The following NIBAN2 variants were observed in gnomAD, a reference collection of about 807,000 sequenced individuals.
NIBAN2 encodes protein Niban 2.
Under a neutral mutation model 81.8 loss-of-function variants are expected in NIBAN2, and 36 were observed. That is an observed-to-expected ratio of 0.44 (90% CI 0.34 to 0.58). NIBAN2 has a LOEUF of 0.58. NIBAN2 is among the 20% of genes least tolerant of loss of function. The probability of loss-of-function intolerance (pLI) is 0.02; values close to 1 mark genes in which losing one functional copy is unlikely to be tolerated. For synonymous variants in NIBAN2, 445 were observed against 441.6 expected, an observed-to-expected ratio of 1.01 and a Z score of -0.10; for missense variants, 897 against 1,014.1, an observed-to-expected ratio of 0.88 and a Z score of 1.57.
At chr9:127,568,752 C>G (rs1837902358) in intron 1 of NIBAN2, 68 bp downstream of exon 1, 1 of 1,202,958 alleles carries the variant, frequency 8.3e-7, no homozygotes, top group Non-Finnish European at 1.0e-6. Flanking sequence ...AACTGCTGGC[C>G]GGGGCGGGGG....
intron 8 of NIBAN2, among the ~76,000 whole-genome samples, chr9:127,512,552 G>T (rs1487392010): frequency 6.6e-6 from 1 of 152,166 alleles, no homozygotes; most frequent in African/African-American, 2.4e-5. Flanking sequence ...CTCCCAGAGT[G>T]CTGGGATTAC....
intron 1 of NIBAN2, among the ~76,000 whole-genome samples, chr9:127,574,603 A>T (rs1472570040): frequency 6.6e-6 from 1 of 152,092 alleles, no homozygotes; most frequent in Non-Finnish European, 1.5e-5. Flanking sequence ...TCTCCCTCCC[A>T]GTTGGCACGG....
At position 127,563,044 on chromosome 9, in the gene NIBAN2, G is replaced by T. The variant is rs2249706; in HGVS notation, c.55+5776C>A. Among the ~76,000 whole-genome samples, 85,892 of 152,002 alleles carry T rather than the reference G, an allele frequency of 0.57. 25,064 individuals carry two copies. The highest frequency in any genetic ancestry group is 0.7 in the African/African-American group (29,163 of 41,456). On this transcript the variant is annotated intron_variant, in intron 1 of 13. Coordinates refer to ENST00000373312, the MANE Select transcript of NIBAN2 (RefSeq NM_022833.4). This position sits in a 1 kb window ranked among gnomAD's most constrained non-coding sequence, Gnocchi z 4.1. Reference sequence around the variant, plus strand: ...CAGGACGGCGGGTGAGTGGTTCCTAGTCCTGTTTTTCCGCTTCACTCCTTG... The same window carrying T: ...CAGGACGGCGGGTGAGTGGTTCCTATTCCTGTTTTTCCGCTTCACTCCTTG...
chr9:127,574,621 G>C (rs79821515), intron 1 of NIBAN2, among the ~76,000 whole-genome samples: 2,124 of 152,142 alleles, frequency 0.014, 51 homozygotes, highest in African/African-American at 0.049. Context: ...CGGAGTCCCA[G>C]CTCTGCTCTC....
At chr9:127,523,539 C>T (rs1333795774) in intron 5 of NIBAN2, 140 bp downstream of exon 5, 1 of 771,524 alleles carries the variant, frequency 1.3e-6, no homozygotes, top group Admixed American at 2.6e-5. Context: ...TACATGGTTT[C>T]TTATAACCCC....
At chr9:127,522,223 T>A (rs1836957737) in intron 5 of NIBAN2, among the ~76,000 whole-genome samples, 1 of 152,162 alleles carries the variant, frequency 6.6e-6, no homozygotes, top group African/African-American at 2.4e-5. Flanking sequence ...GAAGACCTGG[T>A]TCCTCCTGCT....
At chr9:127,547,843 CA>C (rs938054195) in intron 1 of NIBAN2, among the ~76,000 whole-genome samples, 1 of 151,920 alleles carries the variant, frequency 6.6e-6, no homozygotes, top group Non-Finnish European at 1.5e-5. Flanking sequence ...ACCTCAAAAA[CA>C]AAAAAACAAA....
rs1300445784 is a variant in NIBAN2, at chr9:127,527,140, G to A, written c.315+54C>T. Reference sequence around the variant, plus strand: ...CTAAGTTTCCGAGTTGGGGGAGGGGGCACACATGGAGAAAGCGGGGAGGCT... The same window carrying A: ...CTAAGTTTCCGAGTTGGGGGAGGGGACACACATGGAGAAAGCGGGGAGGCT... On this transcript the variant is annotated intron_variant, in intron 3 of 13. Transcript: ENST00000373312. 5 of 1,598,188 alleles carry A rather than the reference G, an allele frequency of 3.1e-6. No individual in the cohort carries two copies. In the East Asian group the frequency reaches 6.7e-5, roughly 21 times the overall value.
At chr9:127,513,907 C>T (rs1836778503) in intron 8 of NIBAN2, among the ~76,000 whole-genome samples, 1 of 152,088 alleles carries the variant, frequency 6.6e-6, no homozygotes, top group African/African-American at 2.4e-5. Context: ...AATGAATAAG[C>T]CCTAGTATTT....
At chr9:127,557,095 C>T (rs1368371347) in intron 1 of NIBAN2, among the ~76,000 whole-genome samples, 1 of 152,122 alleles carries the variant, frequency 6.6e-6, no homozygotes, top group Non-Finnish European at 1.5e-5. Flanking sequence ...AAATGAATCA[C>T]AACCATGTGA....
At chr9:127,537,538 G>A (rs1051806897) in intron 1 of NIBAN2, among the ~76,000 whole-genome samples, 1 of 152,192 alleles carries the variant, frequency 6.6e-6, no homozygotes, top group Non-Finnish European at 1.5e-5. Context: ...GGAAGCCAAG[G>A]GGGACAGCAG....
chr9:127,521,462 C>T (rs1485052186), intron 5 of NIBAN2, among the ~76,000 whole-genome samples: 2 of 152,144 alleles, frequency 1.3e-5, no homozygotes, highest in African/African-American at 4.8e-5. Context: ...CCCCAGCTGC[C>T]TCCTGCCACC....
intron 1 of NIBAN2, among the ~76,000 whole-genome samples, chr9:127,555,346 A>C (rs1463577858): frequency 6.6e-6 from 1 of 152,200 alleles, no homozygotes; most frequent in African/African-American, 2.4e-5. Flanking sequence ...AGCCTTTAGA[A>C]GATCCCAATA....
chr9:127,568,975 TCCCCCG>T lies in NIBAN2; in HGVS notation c.-107_-102del. ...GCCATGGAGCCCGGCCCGCCCTGCT[TCCCCCG>T]CTCCCGCCGCTCCCGCCGCTCCCGC... On this transcript the variant is annotated 5_prime_UTR_variant, in exon 1 of 14. Transcript: ENST00000373312. The T allele has an allele frequency of 9.2e-7, 1 of 1,090,648 alleles. No individual in the cohort carries two copies. Among genetic ancestry groups the T allele is most frequent in the Non-Finnish European group, 1.1e-6 (1 of 916,436 alleles). The allele number at this position is 1,090,648 out of a possible 1,614,324, so 67.6% of individuals were successfully genotyped here.
intron 1 of NIBAN2, among the ~76,000 whole-genome samples, chr9:127,575,071 G>A (rs1349128000): frequency 6.6e-6 from 1 of 152,140 alleles, no homozygotes; most frequent in Non-Finnish European, 1.5e-5. Flanking sequence ...ACCTTCTGTG[G>A]CTTCCACTGT....
chr9:127,545,183 GC>G lies in NIBAN2; in HGVS notation c.56-13406del, dbSNP rs1230368256. 6.6e-6 allele frequency among the ~76,000 whole-genome samples: 1 copy of G among 152,072 alleles called. No homozygotes were observed. The highest frequency in any genetic ancestry group is 1.5e-5 in the Non-Finnish European group (1 of 68,002). On this transcript the variant is annotated intron_variant, in intron 1 of 13. Coordinates refer to ENST00000373312, the MANE Select transcript of NIBAN2 (RefSeq NM_022833.4). This position sits in a 1 kb window ranked among gnomAD's most constrained non-coding sequence, Gnocchi z 4.7. The stretch of plus-strand genomic sequence containing the variant: ...TGCCCTCCTAGCGTCCACCCCTTGT[GC>G]CTGGCCAACTCCTCTTTCTCCTCCC...
chr9:127,535,785 T>G (rs1050580526), intron 1 of NIBAN2, among the ~76,000 whole-genome samples: 2 of 151,856 alleles, frequency 1.3e-5, no homozygotes, highest in African/African-American at 2.4e-5. Context: ...GGTCTCCTTT[T>G]GCTCACCACT....
intron 1 of NIBAN2, among the ~76,000 whole-genome samples, chr9:127,575,911 G>A (rs1159802091): frequency 1.3e-5 from 2 of 152,204 alleles, no homozygotes; most frequent in African/African-American, 2.4e-5. Context: ...CCCTTCATCA[G>A]AGAGGACATT....
chr9:127,546,645 C>T (rs536498590), intron 1 of NIBAN2, among the ~76,000 whole-genome samples: 1 of 152,198 alleles, frequency 6.6e-6, no homozygotes, highest in African/African-American at 2.4e-5. Context: ...TGTCCTCCAT[C>T]AGCCAGCGCG....
Sources: gnomAD v4.1 joint callset for allele counts (sites outside exome capture counted in the v4.1 genomes callset) on GRCh38, gnomAD v4.1.1 for gene constraint, Gnocchi (gnomAD v3.1) non-coding constraint, MANE v1.5 for transcripts, NCBI Gene and HGNC (gene_info 2026-07-23, HGNC 2026-07-21) for gene names.